The following STX8 variants were observed in gnomAD, a reference collection of about 807,000 sequenced individuals.
STX8 encodes the protein syntaxin-8.
A neutral mutation model predicts 37.5 loss-of-function variants in STX8; 23 were observed. The ratio of observed to expected loss-of-function variants is 0.61; its 90% CI spans 0.44 to 0.87. The LOEUF (loss-of-function observed/expected upper bound fraction) is 0.87. Ranked by LOEUF, STX8 falls within the 40% of genes least tolerant of loss-of-function variation. The pLI, the probability that STX8 is intolerant of heterozygous loss-of-function variation, is 0.00. For missense variants in STX8, 313 were observed against 284.7 expected (o/e 1.10, Z -0.71); for synonymous variants, 115 against 99.1 (o/e 1.16, Z -0.95).
intron 6 of STX8, among the ~76,000 whole-genome samples, chr17:9,405,267 C>T (rs1184773532): frequency 6.6e-6 from 1 of 152,086 alleles, no homozygotes; most frequent in Non-Finnish European, 1.5e-5. Context: ...CTTGTGACCC[C>T]CTGATCTAGA....
intron 7 of STX8, among the ~76,000 whole-genome samples, chr17:9,353,759 T>A (rs1213757835): frequency 1.3e-5 from 2 of 152,226 alleles, no homozygotes; most frequent in Non-Finnish European, 2.9e-5. Flanking sequence ...ACTTACATTC[T>A]TCTTTACTGA....
chr17:9,378,265 T>C (rs1227822237), intron 7 of STX8: 3 of 330,212 alleles, frequency 9.1e-6, no homozygotes, highest in Non-Finnish European at 1.2e-5. Flanking sequence ...ACCAGTATAA[T>C]GTTATACAAT....
intron 7 of STX8, among the ~76,000 whole-genome samples, chr17:9,364,950 T>A (rs1911178193): frequency 6.6e-6 from 1 of 151,374 alleles, no homozygotes; most frequent in Admixed American, 6.6e-5. Context: ...ATTATTATTT[T>A]AAATGACTAC....
intron 7 of STX8, among the ~76,000 whole-genome samples, chr17:9,278,170 G>A (rs555573917): frequency 2.8e-4 from 43 of 152,284 alleles, no homozygotes; most frequent in African/African-American, 6.3e-4. Flanking sequence ...CTTTAGGGCC[G>A]GATGCAGTGG....
intron 6 of STX8, among the ~76,000 whole-genome samples, chr17:9,413,265 T>C (rs1354927556): frequency 6.6e-6 from 1 of 152,304 alleles, no homozygotes; most frequent in South Asian, 2.1e-4. Context: ...CAGGGCTAAG[T>C]GGGTCTTTTC....
At chr17:9,268,525 G>A (rs1168879526) in intron 7 of STX8, among the ~76,000 whole-genome samples, 1 of 152,194 alleles carries the variant, frequency 6.6e-6, no homozygotes, top group Non-Finnish European at 1.5e-5. Context: ...CCGCAGTGAT[G>A]TCCCCCCGAT....
chr17:9,404,178 G>A (rs1469872947), intron 6 of STX8, among the ~76,000 whole-genome samples: 2 of 151,906 alleles, frequency 1.3e-5, no homozygotes, highest in African/African-American at 2.4e-5. Flanking sequence ...CTTCATCCTC[G>A]TTATCTTCAC....
At chr17:9,290,381 T>C (rs750319999) in intron 7 of STX8, among the ~76,000 whole-genome samples, 1 of 152,140 alleles carries the variant, frequency 6.6e-6, no homozygotes, top group Non-Finnish European at 1.5e-5. Context: ...CTGAACGCCA[T>C]GGAACACGCA....
intron 7 of STX8, among the ~76,000 whole-genome samples, chr17:9,279,677 C>T (rs536625783): frequency 6.6e-6 from 1 of 152,182 alleles, no homozygotes; most frequent in Admixed American, 6.6e-5. Context: ...TTCCCTGCTA[C>T]AGAACATCCC....
chr17:9,283,400 G>C (rs944916873), intron 7 of STX8: 2 of 152,166 alleles, frequency 1.3e-5, no homozygotes, highest in African/African-American at 2.4e-5. Flanking sequence ...AATTAGCCGG[G>C]TGTGGTGGTG....
intron 7 of STX8, among the ~76,000 whole-genome samples, chr17:9,346,583 G>A (rs1048790232): frequency 2.0e-5 from 3 of 152,172 alleles, no homozygotes; most frequent in Non-Finnish European, 2.9e-5. Context: ...TCAATGGGGG[G>A]CCCCCTCTAG....
intron 1 of STX8, among the ~76,000 whole-genome samples, chr17:9,572,560 C>A (rs919756738): frequency 6.6e-6 from 1 of 152,144 alleles, no homozygotes; most frequent in Non-Finnish European, 1.5e-5. Flanking sequence ...CAGGTACACA[C>A]CAACATGCCC....
At chr17:9,394,047 A>C (rs1369055919) in intron 6 of STX8, among the ~76,000 whole-genome samples, 1 of 152,242 alleles carries the variant, frequency 6.6e-6, no homozygotes, top group Non-Finnish European at 1.5e-5. Flanking sequence ...AAGAGAACAC[A>C]GTATGTAAAG....
chr17:9,255,548 A>AAATAAATC (rs1906760924), intron 7 of STX8, among the ~76,000 whole-genome samples: 1 of 70,298 alleles, frequency 1.4e-5, no homozygotes, highest in African/African-American at 4.6e-5. Flanking sequence ...ATAAATAAAT[A>AAATAAATC]AATAAATATA....
chr17:9,253,594 G>A (rs952537852), intron 7 of STX8, among the ~76,000 whole-genome samples: 1 of 152,058 alleles, frequency 6.6e-6, no homozygotes, highest in East Asian at 1.9e-4. Context: ...CCAGGGCCTG[G>A]GCTCACCCTA....
At chr17:9,321,255 C>T (rs940699291) in intron 7 of STX8, among the ~76,000 whole-genome samples, 1 of 152,044 alleles carries the variant, frequency 6.6e-6, no homozygotes, top group African/African-American at 2.4e-5. Context: ...ATAGGCCAGG[C>T]GCAGTGGCTG....
chr17:9,322,320 G>T (rs991802231), intron 7 of STX8, among the ~76,000 whole-genome samples: 7 of 152,284 alleles, frequency 4.6e-5, no homozygotes, highest in Middle Eastern at 3.4e-3. Flanking sequence ...GGTCCTGCTG[G>T]ACAGAATAAG....
intron 6 of STX8, among the ~76,000 whole-genome samples, chr17:9,407,191 A>C (rs1341039519): frequency 6.6e-6 from 1 of 152,160 alleles, no homozygotes; most frequent in Non-Finnish European, 1.5e-5. Flanking sequence ...TATATTTTTA[A>C]TATATGTGAC....
At chr17:9,310,823 T>C (rs1219253811) in intron 7 of STX8, among the ~76,000 whole-genome samples, 1 of 152,240 alleles carries the variant, frequency 6.6e-6, no homozygotes, top group African/African-American at 2.4e-5. Context: ...AAAGTCTAAA[T>C]ACTATACTAG....
Sources: allele counts gnomAD v4.1 joint callset (sites outside exome capture counted in the v4.1 genomes callset), GRCh38; gene constraint gnomAD v4.1.1; transcripts MANE v1.5; gene names NCBI Gene and HGNC (gene_info 2026-07-23, HGNC 2026-07-21).